SLC6A6: variants seen among roughly 807,000 people sequenced by gnomAD.
SLC6A6 encodes the protein solute carrier family 6 member 6.
SLC6A6 carries 16 observed loss-of-function variants against 68.8 expected under a neutral mutation model. The observed-to-expected ratio is 0.23, with a 90% confidence interval of 0.16 to 0.35. The LOEUF is 0.35. Ranked by LOEUF, SLC6A6 falls within the 10% of genes least tolerant of loss-of-function variation. The pLI, the probability that SLC6A6 is intolerant of heterozygous loss-of-function variation, is 1.00. For missense variants in SLC6A6, 474 were observed against 802.8 expected, an observed-to-expected ratio of 0.59 and a Z score of 4.95; for synonymous variants, 312 against 315.4, an observed-to-expected ratio of 0.99 and a Z score of 0.12.
At chr3:14,408,254 G>C (rs1156765832) in intron 1 of SLC6A6, among the ~76,000 whole-genome samples, 1 of 152,088 alleles carries the variant, frequency 6.6e-6, no homozygotes, top group East Asian at 1.9e-4. Flanking sequence ...AAACTAAAAA[G>C]TGATCCTTTC....
intron 6 of SLC6A6, among the ~76,000 whole-genome samples, chr3:14,459,908 T>G (rs1700458023): frequency 1.4e-5 from 2 of 139,392 alleles, no homozygotes; most frequent in South Asian, 2.3e-4. Context: ...TTTTTTTTTT[T>G]GTAATTTGAG....
chr3:14,449,380 T>G (rs976182849), intron 5 of SLC6A6, among the ~76,000 whole-genome samples: 16 of 152,156 alleles, frequency 1.1e-4, no homozygotes, highest in African/African-American at 3.9e-4. Context: ...GGGAGCTGAG[T>G]TCACAGACAA....
chr3:14,449,920 T>G (rs2124955237), intron 5 of SLC6A6, among the ~76,000 whole-genome samples: 1 of 152,024 alleles, frequency 6.6e-6, no homozygotes, highest in East Asian at 1.9e-4. Flanking sequence ...TCCAGCTAAT[T>G]TTTGTATTTT....
intron 5 of SLC6A6, among the ~76,000 whole-genome samples, chr3:14,456,684 C>T (rs999557119): frequency 6.6e-6 from 1 of 152,186 alleles, no homozygotes; most frequent in Admixed American, 6.5e-5. Context: ...AGAATGCTTC[C>T]CCAAGAGCAT....
chr3:14,417,759 C>T (rs1434845117), intron 2 of SLC6A6, among the ~76,000 whole-genome samples: 1 of 151,846 alleles, frequency 6.6e-6, no homozygotes, highest in Non-Finnish European at 1.5e-5. Context: ...AGAGCAAGGC[C>T]ATTCTCTTAT....
At chr3:14,415,719 C>CT (rs1559284986) in intron 1 of SLC6A6, among the ~76,000 whole-genome samples, 13 of 152,084 alleles carry the variant, frequency 8.5e-5, no homozygotes, top group Non-Finnish European at 1.6e-4. Flanking sequence ...AGAACCCCCC[C>CT]GCTCCAAAAA....
chr3:14,484,316 G>C (rs897781387), intron 14 of SLC6A6, among the ~76,000 whole-genome samples: 4 of 152,208 alleles, frequency 2.6e-5, no homozygotes, highest in Non-Finnish European at 4.4e-5. Flanking sequence ...CCCTTAAGAT[G>C]TAAACCCTGC....
chr3:14,476,728 G>A lies in SLC6A6; in HGVS notation c.1210-477G>A, dbSNP rs184588499. Among the ~76,000 whole-genome samples, 26 of 152,336 alleles carry A rather than the reference G, an allele frequency of 1.7e-4. No homozygotes were observed. The East Asian group carries it at 5.0e-3, about 29-fold the overall frequency. On this transcript the variant is annotated intron_variant, in intron 10 of 14. Coordinates refer to ENST00000622186, the MANE Select transcript of SLC6A6 (RefSeq NM_003043.6). ...GCAGCCAATGTGTCTGGCAGGGCTC[G>A]GCATTCGAGGCCCAAAAGTGAATGT...
chr3:14,483,768 A>G (rs1263345771), intron 14 of SLC6A6, among the ~76,000 whole-genome samples: 1 of 152,128 alleles, frequency 6.6e-6, no homozygotes, highest in Non-Finnish European at 1.5e-5. Context: ...CACAGCCTCA[A>G]ATTCCTGGGC....
At chr3:14,431,797 T>TG (rs1414383307) in intron 2 of SLC6A6, among the ~76,000 whole-genome samples, 3 of 151,692 alleles carry the variant, frequency 2.0e-5, no homozygotes, top group African/African-American at 7.3e-5. Flanking sequence ...CCGAGTGAGG[T>TG]GGGGCGGAGG....
intron 6 of SLC6A6, among the ~76,000 whole-genome samples, chr3:14,461,858 T>C (rs1289353654): frequency 6.6e-6 from 1 of 152,196 alleles, no homozygotes; most frequent in East Asian, 1.9e-4. Context: ...GGCCCTTACC[T>C]CCCAAAGGAT....
At chr3:14,409,089 T>C (rs553916758) in intron 1 of SLC6A6, among the ~76,000 whole-genome samples, 1 of 152,382 alleles carries the variant, frequency 6.6e-6, no homozygotes, top group East Asian at 1.9e-4. Context: ...ATTACTGGCG[T>C]GAGCCACCAC....
chr3:14,402,903 C>A lies in SLC6A6; in HGVS notation c.-54+56C>A, dbSNP rs1454144165. 4 of 389,194 alleles carry A rather than the reference C, an allele frequency of 1.0e-5. No individual in the cohort carries two copies. The East Asian group carries it at 1.1e-4, about 11-fold the overall frequency. The allele number at this position is 389,194 out of a possible 1,614,324, so 24.1% of individuals were successfully genotyped here. On this transcript the variant is annotated intron_variant, in intron 1 of 14. Transcript: ENST00000622186. The surrounding 1 kb of genome is among the most constrained non-coding windows in gnomAD (Gnocchi z 4.8). ...GCCGGCGCTGCCCGCCGTCTGCAGC[C>A]CCTCCCCATCCCCGCGTCGCCGCAG... is the stretch of plus-strand genomic sequence containing the variant.
intron 1 of SLC6A6, among the ~76,000 whole-genome samples, 181 bp from the exon 2 acceptor site, chr3:14,416,231 T>C (rs1183393413): frequency 2.6e-5 from 4 of 152,208 alleles, no homozygotes. Context: ...TGAGCTTGTG[T>C]TGGCATGTGT....
intron 1 of SLC6A6, among the ~76,000 whole-genome samples, chr3:14,408,339 CTT>C (rs1448103837): frequency 1.4e-5 from 2 of 145,962 alleles, no homozygotes; most frequent in Non-Finnish European, 3.0e-5. Flanking sequence ...ATATCTCTTT[CTT>C]TTTTTTTTTT....
intron 1 of SLC6A6, among the ~76,000 whole-genome samples, chr3:14,406,476 G>A (rs1207080066): frequency 1.3e-5 from 2 of 152,172 alleles, no homozygotes; most frequent in African/African-American, 2.4e-5. Context: ...GAGAGTCACC[G>A]AGCCACTAAG....
intron 4 of SLC6A6, among the ~76,000 whole-genome samples, chr3:14,447,201 A>G (rs545437286): frequency 1.4e-3 from 218 of 151,754 alleles, no homozygotes; most frequent in African/African-American, 5.2e-3. Context: ...TCATCCATCT[A>G]TTTATCTCAT....
intron 2 of SLC6A6, among the ~76,000 whole-genome samples, chr3:14,424,730 C>A (rs1699553156): frequency 6.6e-6 from 1 of 152,218 alleles, no homozygotes; most frequent in Admixed American, 6.5e-5. Flanking sequence ...ACAAACCCTG[C>A]CTTCAACCAA....
intron 6 of SLC6A6, among the ~76,000 whole-genome samples, chr3:14,462,209 C>T (rs1006486875): frequency 4.6e-5 from 7 of 152,172 alleles, no homozygotes; most frequent in Non-Finnish European, 1.0e-4. Context: ...GGCTTGTCCT[C>T]GGAGCAGCAG....
Sources: gnomAD v4.1 joint callset for allele counts (sites outside exome capture counted in the v4.1 genomes callset) on GRCh38, gnomAD v4.1.1 for gene constraint, Gnocchi (gnomAD v3.1) non-coding constraint, MANE v1.5 for transcripts, NCBI Gene and HGNC (gene_info 2026-07-23, HGNC 2026-07-21) for gene names.